Variants in UBA6 observed in about 807,000 individuals in gnomAD.
The protein encoded by UBA6 is ubiquitin-like modifier-activating enzyme 6.
UBA6 carries 87 observed loss-of-function variants against 148.3 expected under a neutral mutation model. The observed-to-expected ratio is 0.59, with a 90% CI of 0.49 to 0.70. The LOEUF (loss-of-function observed/expected upper bound fraction) is 0.70, where lower values mean the gene tolerates loss of function less well. Ranked by LOEUF, UBA6 falls within the 30% of genes least tolerant of loss-of-function variation. The pLI, the probability that UBA6 is intolerant of heterozygous loss-of-function variation, is 0.00. For missense variants in UBA6, 1,186 were observed against 1,241.2 expected, an observed-to-expected ratio of 0.96 and a Z score of 0.67; for synonymous variants, 376 against 401.0, an observed-to-expected ratio of 0.94 and a Z score of 0.75.
chr4:67,628,136 C>CAAA (rs1728913583), intron 27 of UBA6, among the ~76,000 whole-genome samples: 1 of 151,610 alleles, frequency 6.6e-6, no homozygotes. Flanking sequence ...TATTGTCTTG[C>CAAA]GTTTTACTAC....
Position 67,670,593 on chromosome 4 carries a change from C to T in UBA6, c.547-1G>A. On this transcript the variant is annotated splice_acceptor_variant, in intron 7 of 32. Coordinates refer to ENST00000322244, the MANE Select transcript of UBA6 (RefSeq NM_018227.6). LOFTEE classifies it high-confidence loss of function. ...TTCCATGTACATCTGCACTGATAAA[C>T]TGTAAAATGGCAAAAACAAGTTCAA... The T allele has an allele frequency of 6.2e-7, 1 of 1,602,840 alleles. No individual in the cohort carries two copies. The highest frequency in any genetic ancestry group is 1.7e-5 in the Admixed American group (1 of 57,252).
chr4:67,670,540 C>A lies in UBA6; in HGVS notation c.599G>T (p.Gly200Val). 3.7e-6 allele frequency: 6 copies of A among 1,609,606 alleles called. No homozygotes were observed. Among genetic ancestry groups the A allele is most frequent in the Non-Finnish European group, 5.1e-6 (6 of 1,176,122 alleles). Residue 200 changes from glycine to valine, a missense_variant, in exon 8 of 33, where the codon GGT becomes GTT. Coordinates refer to ENST00000322244, the MANE Select transcript of UBA6 (RefSeq NM_018227.6). ...TGTATCTAAAACTTCAAATTCATCA[C>A]CGAAATCACAAAATAACCTTGACCA... Reference protein sequence around the residue: ...GIWSRLFCDFGDEFEVLDTTG... With the variant: ...GIWSRLFCDFVDEFEVLDTTG...
chr4:67,690,472 C>T (rs1184790637), intron 2 of UBA6, among the ~76,000 whole-genome samples: 1 of 151,866 alleles, frequency 6.6e-6, no homozygotes, highest in East Asian at 1.9e-4. Context: ...AACTAAAAAC[C>T]AGTAAAGGAA....
In UBA6 at chr4:67,662,210, T is replaced by A. The variant is rs886302717; in HGVS notation, c.1083A>T (p.Ile361=). The A allele has an allele frequency of 2.5e-6, 4 of 1,613,566 alleles. No homozygotes were observed. The African/African-American group carries it at 5.3e-5, about 22-fold the overall frequency. ...TCACCTTCTCTTCCAAGGTTTCACT[T>A]ATAGATGTTGCTAGTTTCAACAGTT... ...SEELLKLATS[I]SETLEEKPDV... The change falls in exon 13 of 33, where the codon ATA becomes ATT. Residue 361 remains isoleucine (I), a synonymous_variant. Transcript: ENST00000322244.
intron 13 of UBA6, among the ~76,000 whole-genome samples, chr4:67,658,627 A>C (rs926655058): frequency 1.3e-5 from 2 of 152,064 alleles, no homozygotes; most frequent in Non-Finnish European, 2.9e-5. Flanking sequence ...TGTATGACAA[A>C]CCCCCATGAT....
chr4:67,619,211 G>GGTTCTCTGGATGGC, intron 32 of UBA6, 79 bp from the exon 33 acceptor site: 1 of 1,061,944 alleles, frequency 9.4e-7, no homozygotes, highest in South Asian at 1.5e-5. Context: ...ATGCCATCCA[G>GGTTCTCTGGATGGC]AGAACCTGGA....
intron 2 of UBA6, among the ~76,000 whole-genome samples, chr4:67,687,033 TG>T (rs1237597621): frequency 1.0e-4 from 13 of 126,566 alleles, no homozygotes; most frequent in Non-Finnish European, 1.3e-4. Flanking sequence ...TTTAAGACTA[TG>T]TTTTTTTTTT....
Position 67,663,275 on chromosome 4 carries a change from G to A in UBA6, c.961-60C>T, listed in dbSNP as rs1249154628. The A allele has an allele frequency of 5.5e-6, 6 of 1,086,438 alleles. No homozygotes were observed. In the Admixed American group the frequency reaches 1.1e-4, roughly 20 times the overall value. The allele number at this position is 1,086,438 out of a possible 1,614,324, so 67.3% of individuals were successfully genotyped here. A position where few individuals can be genotyped will look rare whatever the true frequency, so the allele number is the denominator to read the frequency against. ...TGAGTGGTTGTATGTCCCAGGCACTGGGCTAAATACTTTTAAAACATTATT... is the reference window on the plus strand; with the variant it reads ...TGAGTGGTTGTATGTCCCAGGCACTAGGCTAAATACTTTTAAAACATTATT... On this transcript the variant is annotated intron_variant, in intron 11 of 32. Coordinates refer to ENST00000322244, the MANE Select transcript of UBA6 (RefSeq NM_018227.6).
At chr4:67,681,993 A>C in intron 3 of UBA6, 126 bp downstream of exon 3, 1 of 702,020 alleles carries the variant, frequency 1.4e-6, no homozygotes, top group Non-Finnish European at 2.4e-6. Context: ...AAGATTAAAA[A>C]CTCAATCTGA....
chr4:67,698,910 A>G (rs567340251), intron 1 of UBA6, among the ~76,000 whole-genome samples: 1 of 152,154 alleles, frequency 6.6e-6, no homozygotes, highest in Non-Finnish European at 1.5e-5. Flanking sequence ...CAGTGAGCCA[A>G]GATCCCACCA....
chr4:67,682,421 A>G (rs1461220331), intron 2 of UBA6, among the ~76,000 whole-genome samples: 2 of 152,186 alleles, frequency 1.3e-5, no homozygotes, highest in Admixed American at 1.3e-4. Context: ...CACAATCCAT[A>G]TTCCCTCAAG....
Position 67,617,349 on chromosome 4 carries a change from G to A in UBA6, c.*1648C>T, listed in dbSNP as rs188502843. Reference sequence around the variant, plus strand: ...CAAGCCACAGAGCCTTGATATTCCTGGATTCTGTTTTAAGTAACCTTAGTT... The same window carrying A: ...CAAGCCACAGAGCCTTGATATTCCTAGATTCTGTTTTAAGTAACCTTAGTT... On this transcript the variant is annotated 3_prime_UTR_variant, in exon 33 of 33. Transcript: ENST00000322244. 16 of 152,160 alleles carry A rather than the reference G, an allele frequency of 1.1e-4. No homozygotes were observed. Among genetic ancestry groups the A allele is most frequent in the African/African-American group, 3.6e-4 (15 of 41,544 alleles). The allele number at this position is 152,160 out of a possible 1,614,324, so 9.4% of individuals were successfully genotyped here. A position where few individuals can be genotyped will look rare whatever the true frequency, so the allele number is the denominator to read the frequency against.
At chr4:67,694,568 T>G (rs1730786777) in intron 2 of UBA6, among the ~76,000 whole-genome samples, 1 of 152,018 alleles carries the variant, frequency 6.6e-6, no homozygotes, top group Non-Finnish European at 1.5e-5. Context: ...CGGCTAATTT[T>G]TTGTATTTTT....
rs753905581 is a variant in UBA6 at position 67,633,419 on chromosome 4, T to G, written c.2068A>C (p.Ser690Arg). The change falls in exon 23 of 33, where the codon AGC becomes CGC. Residue 690 changes from serine to arginine, a missense_variant. Ser to Arg is a moderately radical substitution (Grantham distance 110). Coordinates refer to ENST00000322244, the MANE Select transcript of UBA6 (RefSeq NM_018227.6). ...TGGGACCAATTTCTAGGTCTTCTGC[T>G]AAGTAACTTTATAACTTGAAAACAG... Reference protein sequence around the residue: ...EGCFQVIKLLSRRPRNWSQCV... With the variant: ...EGCFQVIKLLRRRPRNWSQCV... The G allele has an allele frequency of 1.2e-6, 2 of 1,610,872 alleles. No homozygotes were observed. The highest frequency in any genetic ancestry group is 1.7e-4 in the Middle Eastern group (1 of 6,048).
intron 26 of UBA6, among the ~76,000 whole-genome samples, chr4:67,629,783 T>A (rs1728953887): frequency 6.6e-6 from 1 of 152,078 alleles, no homozygotes; most frequent in Non-Finnish European, 1.5e-5. Context: ...TTTATTTGTA[T>A]GAATTCCAAA....
chr4:67,626,597 T>C, intron 27 of UBA6, 120 bp from the exon 28 acceptor site: 1 of 635,926 alleles, frequency 1.6e-6, no homozygotes, highest in Non-Finnish European at 2.7e-6. Context: ...TTTGATCAGA[T>C]TATTAATCAT....
rs974285460 is a variant in UBA6, at chr4:67,624,639, G to A, written c.2712+355C>T. ...GTAATATGGTATAATAACTAGGGCC[G>A]CACTTAAAGATTCTGAATCATTATG... On this transcript the variant is annotated intron_variant, in intron 29 of 32. Transcript: ENST00000322244. Among the ~76,000 whole-genome samples the A allele has an allele frequency of 2.6e-5, 4 of 151,988 alleles. No homozygotes were observed. In the East Asian group the frequency reaches 5.8e-4, roughly 22 times the overall value.
rs1729087186 is a variant in UBA6 at position 67,634,451 on chromosome 4, G to A, written c.1910C>T (p.Thr637Ile). The A allele has an allele frequency of 6.3e-7, 1 of 1,588,912 alleles. No individual in the cohort carries two copies. The highest frequency in any genetic ancestry group is 8.5e-7 in the Non-Finnish European group (1 of 1,173,456). Residue 637 changes from threonine (T) to isoleucine (I), a missense_variant, in exon 21 of 33, where the codon ACC (threonine) becomes ATC (isoleucine). Coordinates refer to ENST00000322244, the MANE Select transcript of UBA6 (RefSeq NM_018227.6). ...TACCTTATCTCTTGCCCACTGTATG[G>A]TATGTTCAATAGCAGCTGGAAAGGA... ...LKSFPAAIEH[T>I]IQWARDKFES...
intron 2 of UBA6, among the ~76,000 whole-genome samples, chr4:67,695,462 A>C (rs1730811335): frequency 6.6e-6 from 1 of 152,224 alleles, no homozygotes. Flanking sequence ...CCCTATCAAT[A>C]AAATGGCTAC....
Sources: allele counts gnomAD v4.1 joint callset (sites outside exome capture counted in the v4.1 genomes callset), GRCh38; gene constraint gnomAD v4.1.1; transcripts MANE v1.5; gene names NCBI Gene and HGNC (gene_info 2026-07-23, HGNC 2026-07-21).